Variants in OAS3 observed in about 807,000 individuals in gnomAD.
OAS3 encodes 2'-5'-oligoadenylate synthase 3.
OAS3 carries 107 observed loss-of-function variants against 113.0 expected under a neutral mutation model. The observed-to-expected ratio is 0.95, with a 90% CI of 0.81 to 1.11. The LOEUF is 1.11. OAS3 is among the 50% of genes most tolerant of loss of function. The probability of loss-of-function intolerance (pLI) is 0.00; values close to 1 mark genes in which losing one functional copy is unlikely to be tolerated. For missense variants in OAS3, 1,258 were observed against 1,389.1 expected (o/e 0.91, Z 1.50); for synonymous variants, 552 against 573.6 (o/e 0.96, Z 0.54).
Position 112,950,674 on chromosome 12 carries a change from G to C in OAS3, c.1375-19G>C. On this transcript the variant is annotated intron_variant, in intron 6 of 15. Coordinates refer to ENST00000228928, the MANE Select transcript of OAS3 (RefSeq NM_006187.4). ...GGCTCCTAGAGGGTCCCTGATCTGA[G>C]CTGTTCTTCCCTCCACAGGGGGGCT... 1 of 1,613,216 alleles carries C rather than the reference G, an allele frequency of 6.2e-7. No homozygotes were observed. The highest frequency in any genetic ancestry group is 8.5e-7 in the Non-Finnish European group (1 of 1,179,434).
chr12:112,951,012 G>A (rs1313653125), intron 7 of OAS3, 37 bp downstream of exon 7: 2 of 1,584,342 alleles, frequency 1.3e-6, no homozygotes, highest in Non-Finnish European at 1.7e-6. Flanking sequence ...AGAGTGATAG[G>A]GACCTCAGGC....
chr12:112,941,507 G>A, intron 1 of OAS3, 63 bp from the exon 2 acceptor site: 1 of 1,548,222 alleles, frequency 6.5e-7, no homozygotes. Flanking sequence ...CAAGTTGCCT[G>A]CCAGGTTGCA....
In OAS3 at chr12:112,941,684, C is replaced by T; in HGVS notation, c.292C>T (p.Leu98Phe). The T allele has an allele frequency of 1.2e-6, 2 of 1,614,080 alleles. No individual in the cohort carries two copies. The highest frequency in any genetic ancestry group is 8.5e-7 in the Non-Finnish European group (1 of 1,179,906). Residue 98 changes from leucine (L) to phenylalanine (F), a missense_variant, in exon 2 of 16, where the codon CTC becomes TTC. By Grantham distance (22) the Leu-to-Phe change is conservative. Transcript: ENST00000228928. ...VDQRARRAEI[L>F]SEMRASLESW... ...CCAGAGGGCCCGCCGTGCAGAGATC[C>T]TCAGTGAGATGCGGGCATCGCTGGA...
chr12:112,964,855 T>C (rs2043920410), intron 11 of OAS3, among the ~76,000 whole-genome samples: 1 of 152,100 alleles, frequency 6.6e-6, no homozygotes, highest in Admixed American at 6.5e-5. Context: ...CAAATAAAAG[T>C]CTTGGAATTG....
chr12:112,944,944 C>A (rs2043714160), intron 3 of OAS3: 1 of 427,818 alleles, frequency 2.3e-6, no homozygotes, highest in East Asian at 5.1e-5. Context: ...ATTTGTAGGA[C>A]AAAATATCTA....
In OAS3 at chr12:112,938,876, C is replaced by T. The variant is rs578253228; in HGVS notation, c.177+169C>T. On this transcript the variant is annotated intron_variant, in intron 1 of 15. Coordinates refer to ENST00000228928, the MANE Select transcript of OAS3 (RefSeq NM_006187.4). ...CCCCGTGCTAACTCCCCCGAACATA[C>T]GAGCCAGGTAGGTACTCTTAAGCCC... Among the ~76,000 whole-genome samples, 5 of 152,300 alleles carry T rather than the reference C, an allele frequency of 3.3e-5. No individual in the cohort carries two copies. The South Asian group carries it at 1.0e-3, about 32-fold the overall frequency.
chr12:112,970,762 C>T lies in OAS3; in HGVS notation c.*789C>T, dbSNP rs1021186352. On this transcript the variant is annotated 3_prime_UTR_variant, in exon 16 of 16. Transcript: ENST00000228928. The stretch of plus-strand genomic sequence containing the variant: ...GACAGAGGGAGTTGGGACATGCATG[C>T]TATGGGGACCCTCTTGTTGGACACC... 2 of 152,240 alleles carry T rather than the reference C, an allele frequency of 1.3e-5. No homozygotes were observed. The highest frequency in any genetic ancestry group is 2.9e-5 in the Non-Finnish European group (2 of 68,062). 9.4% of individuals were successfully genotyped at this position (152,240 alleles called of 1,614,324 possible).
Position 112,949,243 on chromosome 12 carries a change from C to G in OAS3, c.1374+38C>G, listed in dbSNP as rs572898534. The G allele has an allele frequency of 1.3e-5, 20 of 1,564,786 alleles. No individual in the cohort carries two copies. In the African/African-American group the frequency reaches 2.0e-4, roughly 16 times the overall value. ...AGTGGAGACACAGGGGGGACCCTAT[C>G]GAGGGATCAGCGTGGGGAAGGGAAG... is the stretch of plus-strand genomic sequence containing the variant. On this transcript the variant is annotated intron_variant, in intron 6 of 15. Transcript: ENST00000228928.
intron 8 of OAS3, among the ~76,000 whole-genome samples, chr12:112,961,750 G>C (rs2043888771): frequency 6.6e-6 from 1 of 151,704 alleles, no homozygotes; most frequent in African/African-American, 2.4e-5. Flanking sequence ...CCTGAAAGCA[G>C]ATCTACTCCA....
rs2043710743 is a variant in OAS3 at position 112,944,591 on chromosome 12, G to C, written c.576G>C (p.Val192=). ...ACFTELRRNF[V]NIRPAKLKNL... ...TCACAGAGCTGCGGAGGAACTTTGT[G>C]AACATTCGCCCAGCCAAGTTGAAGA... Residue 192 remains valine (V), a synonymous_variant, in exon 3 of 16, where the codon GTG becomes GTC. Transcript: ENST00000228928. 6.2e-7 allele frequency: 1 copy of C among 1,613,980 alleles called. No individual in the cohort carries two copies. The highest frequency in any genetic ancestry group is 8.5e-7 in the Non-Finnish European group (1 of 1,179,920).
intron 7 of OAS3, among the ~76,000 whole-genome samples, chr12:112,955,666 A>C (rs2043827321): frequency 6.6e-6 from 1 of 152,242 alleles, no homozygotes. Context: ...CCCAAGGATG[A>C]AGCCAACTTG....
rs1192204939 is a variant in OAS3 at position 112,948,498 on chromosome 12, G to C, written c.1030-363G>C. ...AGCCTGGGTGACAGAGTAAGACTCC[G>C]TCCCAAAAAAAAAAAAAAAAAAAAT... On this transcript the variant is annotated intron_variant, in intron 5 of 15. Coordinates refer to ENST00000228928, the MANE Select transcript of OAS3 (RefSeq NM_006187.4). Among the ~76,000 whole-genome samples, 6 of 59,410 alleles carry C rather than the reference G, an allele frequency of 1.0e-4. No individual in the cohort carries two copies. In the Admixed American group the frequency reaches 1.3e-3, roughly 13 times the overall value. The allele number at this position is 59,410 out of a possible 152,430, so 39.0% of individuals were successfully genotyped here.
chr12:112,958,095 A>G (rs1464099285), intron 7 of OAS3, among the ~76,000 whole-genome samples: 1 of 152,120 alleles, frequency 6.6e-6, no homozygotes, highest in East Asian at 1.9e-4. Context: ...TTGATCTTCA[A>G]TCACTGATAC....
intron 4 of OAS3, among the ~76,000 whole-genome samples, chr12:112,947,695 G>T (rs1342236731): frequency 6.6e-6 from 1 of 152,186 alleles, no homozygotes; most frequent in African/African-American, 2.4e-5. Context: ...GAATTGTAGG[G>T]TGTAACTCAA....
chr12:112,962,792 G>T lies in OAS3; in HGVS notation c.1974G>T (p.Val658=), dbSNP rs1365564628. 6.2e-7 allele frequency: 1 copy of T among 1,613,934 alleles called. No homozygotes were observed. The highest frequency in any genetic ancestry group is 2.2e-5 in the East Asian group (1 of 44,896). ...CFNMAQGFRT[V]LGLVQQHQQL... is the part of the protein sequence containing the mutation. ...ACATGGCCCAAGGCTTCCGGACGGT[G>T]CTGGGGCTCGTGCAACAGCATCAGC... Residue 658 remains valine, a synonymous_variant, in exon 9 of 16, where the codon GTG becomes GTT. Coordinates refer to ENST00000228928, the MANE Select transcript of OAS3 (RefSeq NM_006187.4).
At chr12:112,941,125 C>T (rs574650955) in intron 1 of OAS3, among the ~76,000 whole-genome samples, 26 of 152,178 alleles carry the variant, frequency 1.7e-4, no homozygotes, top group South Asian at 1.2e-3. Flanking sequence ...GAATTCCAAG[C>T]TGCAGTGAGC....
Position 112,964,426 on chromosome 12 carries a change from T to C in OAS3, c.2403+18T>C. On this transcript the variant is annotated intron_variant, in intron 11 of 15. Transcript: ENST00000228928. Reference sequence around the variant, plus strand: ...TGGTCAAGGTGAGTCCTCAGAGAGCTGTAGGCAAGCAGTGTCCTGCAAGCT... The same window carrying C: ...TGGTCAAGGTGAGTCCTCAGAGAGCCGTAGGCAAGCAGTGTCCTGCAAGCT... 1 of 1,605,914 alleles carries C rather than the reference T, an allele frequency of 6.2e-7. No individual in the cohort carries two copies. Among genetic ancestry groups the C allele is most frequent in the Non-Finnish European group, 8.5e-7 (1 of 1,175,792 alleles).
At chr12:112,938,998 C>T (rs2043655566) in intron 1 of OAS3, among the ~76,000 whole-genome samples, 1 of 152,176 alleles carries the variant, frequency 6.6e-6, no homozygotes, top group African/African-American at 2.4e-5. Flanking sequence ...TAGCCTGATT[C>T]CTGCATCTCT....
rs1033561075 is a variant in OAS3, at chr12:112,946,793, G to A, written c.687G>A (p.Leu229=). ...WKETLPPVYA[L]ELLTIFAWEQ... ...AGACGCTGCCCCCGGTCTATGCCCT[G>A]GAATTGCTGACCATCTTCGCCTGGG... is the stretch of plus-strand genomic sequence containing the variant. The change falls in exon 4 of 16, where the codon CTG becomes CTA. Residue 229 remains leucine, a synonymous_variant. Coordinates refer to ENST00000228928, the MANE Select transcript of OAS3 (RefSeq NM_006187.4). 6.2e-7 allele frequency: 1 copy of A among 1,613,560 alleles called. No homozygotes were observed. The highest frequency in any genetic ancestry group is 1.7e-5 in the Admixed American group (1 of 59,982).
Sources: allele counts gnomAD v4.1 joint callset (sites outside exome capture counted in the v4.1 genomes callset), GRCh38; gene constraint gnomAD v4.1.1; transcripts MANE v1.5; gene names NCBI Gene and HGNC (gene_info 2026-07-23, HGNC 2026-07-21).